The following TACR1 variants were observed in gnomAD, a reference collection of about 807,000 sequenced individuals.
TACR1 encodes the protein substance-P receptor.
In TACR1, 25 loss-of-function variants were observed where a neutral mutation model predicts 35.8. That is an observed-to-expected ratio of 0.70 (90% CI 0.51 to 0.98). The LOEUF (loss-of-function observed/expected upper bound fraction) is 0.98, where lower values mean the gene tolerates loss of function less well. Ranked by LOEUF, TACR1 falls within the 50% of genes least tolerant of loss-of-function variation. TACR1 has a pLI of 0.00. For synonymous variants in TACR1, 195 were observed against 206.7 expected (o/e 0.94, Z 0.48); for missense variants, 478 against 522.9 (o/e 0.91, Z 0.84).
At chr2:75,143,711 T>G (rs1396460493) in intron 1 of TACR1, among the ~76,000 whole-genome samples, 3 of 152,178 alleles carry the variant, frequency 2.0e-5, no homozygotes, top group Non-Finnish European at 4.4e-5. Flanking sequence ...AAAAGCAAAT[T>G]GGCAAAAACC....
intron 2 of TACR1, among the ~76,000 whole-genome samples, chr2:75,081,198 G>A (rs1317849685): frequency 6.6e-6 from 1 of 152,192 alleles, no homozygotes; most frequent in Non-Finnish European, 1.5e-5. Flanking sequence ...ATGTAAATTA[G>A]TAAACAAAAC....
intron 2 of TACR1, among the ~76,000 whole-genome samples, chr2:75,061,001 G>C (rs1016104378): frequency 6.6e-6 from 1 of 152,192 alleles, no homozygotes; most frequent in African/African-American, 2.4e-5. Flanking sequence ...GTCGGGCAAA[G>C]TTGGTAGATT....
At chr2:75,140,711 C>T (rs1674384058) in intron 1 of TACR1, among the ~76,000 whole-genome samples, 1 of 152,220 alleles carries the variant, frequency 6.6e-6, no homozygotes, top group South Asian at 2.1e-4. Context: ...ATCTTGTCTG[C>T]ACAATGAGAT....
intron 2 of TACR1, among the ~76,000 whole-genome samples, chr2:75,067,396 T>G (rs1672785024): frequency 6.6e-6 from 1 of 152,188 alleles, no homozygotes; most frequent in Non-Finnish European, 1.5e-5. Context: ...GCTGCATAGT[T>G]GCTGCTAGGC....
intron 1 of TACR1, among the ~76,000 whole-genome samples, chr2:75,183,482 GA>G (rs1402550574): frequency 6.6e-6 from 1 of 152,196 alleles, no homozygotes; most frequent in African/African-American, 2.4e-5. Flanking sequence ...ACAGCCAAGT[GA>G]AAAAGTCTGC....
chr2:75,061,147 A>G (rs1672664601), intron 2 of TACR1, among the ~76,000 whole-genome samples: 4 of 150,136 alleles, frequency 2.7e-5, no homozygotes. Context: ...CCATGAGAAG[A>G]GAGGAGGTCC....
Position 75,120,463 on chromosome 2 carries a change from A to C in TACR1, c.584+111T>G, listed in dbSNP as rs1032000189. 15 of 997,912 alleles carry C rather than the reference A, an allele frequency of 1.5e-5. No homozygotes were observed. In the African/African-American group the frequency reaches 2.4e-4, roughly 16 times the overall value. 61.8% of individuals were successfully genotyped at this position (997,912 alleles called of 1,614,324 possible). On this transcript the variant is annotated intron_variant, in intron 2 of 4. Transcript: ENST00000305249. Reference sequence around the variant, plus strand: ...ATATGTGAGAAATGCTTGCAGATACACATTAAATCTGTACCAACAAAAGAA... The same window carrying C: ...ATATGTGAGAAATGCTTGCAGATACCCATTAAATCTGTACCAACAAAAGAA...
intron 2 of TACR1, among the ~76,000 whole-genome samples, chr2:75,054,646 G>A (rs1045476235): frequency 2.6e-5 from 4 of 152,022 alleles, no homozygotes; most frequent in African/African-American, 9.7e-5. Flanking sequence ...TGAATTTTGG[G>A]AAAATATATT....
intron 2 of TACR1, among the ~76,000 whole-genome samples, chr2:75,116,875 A>G (rs1320407463): frequency 2.0e-5 from 3 of 151,904 alleles, no homozygotes; most frequent in Admixed American, 1.3e-4. Flanking sequence ...GTGCCATTGC[A>G]CTCCAGCCTG....
At chr2:75,198,443 C>G in intron 1 of TACR1, 103 bp downstream of exon 1, 1 of 1,362,292 alleles carries the variant, frequency 7.3e-7, no homozygotes, top group Non-Finnish European at 1.0e-6. Flanking sequence ...CTCAGAGTGG[C>G]CAATCTTCCA....
intron 1 of TACR1, among the ~76,000 whole-genome samples, chr2:75,142,044 G>T (rs1674417630): frequency 6.6e-6 from 1 of 152,184 alleles, no homozygotes; most frequent in African/African-American, 2.4e-5. Context: ...GTGACAATCT[G>T]CTTTCAGCCC....
chr2:75,074,955 AGGATG>A (rs1558544144), intron 2 of TACR1, among the ~76,000 whole-genome samples: 1 of 152,238 alleles, frequency 6.6e-6, no homozygotes, highest in Admixed American at 6.5e-5. Flanking sequence ...CAGGAAAACC[AGGATG>A]GTTGGTCACT....
chr2:75,101,965 A>G (rs1320711614), intron 2 of TACR1, among the ~76,000 whole-genome samples: 1 of 152,154 alleles, frequency 6.6e-6, no homozygotes, highest in Non-Finnish European at 1.5e-5. Context: ...AAAATAAAAA[A>G]ATAAAAAAAT....
At chr2:75,072,134 T>G (rs535551511) in intron 2 of TACR1, among the ~76,000 whole-genome samples, 4 of 151,356 alleles carry the variant, frequency 2.6e-5, no homozygotes, top group Non-Finnish European at 4.4e-5. Context: ...CACCGTGAAG[T>G]AGGAGTTAGT....
intron 2 of TACR1, among the ~76,000 whole-genome samples, chr2:75,095,840 G>C (rs1673410690): frequency 6.6e-6 from 1 of 152,242 alleles, no homozygotes; most frequent in East Asian, 1.9e-4. Context: ...TGCCCTTCTA[G>C]ATGCTCCAGG....
chr2:75,135,817 G>A (rs1455873394), intron 1 of TACR1, among the ~76,000 whole-genome samples: 2 of 152,122 alleles, frequency 1.3e-5, no homozygotes, highest in Non-Finnish European at 2.9e-5. Flanking sequence ...GAGTTTGCTG[G>A]AATGAATTGC....
intron 2 of TACR1, among the ~76,000 whole-genome samples, chr2:75,114,913 G>A (rs1249990757): frequency 6.6e-6 from 1 of 152,186 alleles, no homozygotes; most frequent in African/African-American, 2.4e-5. Context: ...ATCTATAACT[G>A]TGAATTGTAA....
intron 2 of TACR1, among the ~76,000 whole-genome samples, chr2:75,083,710 T>C (rs1281089370): frequency 2.6e-5 from 4 of 152,224 alleles, no homozygotes; most frequent in African/African-American, 9.6e-5. Flanking sequence ...AATTCACTCA[T>C]GATTTGGCTC....
chr2:75,074,733 G>A (rs1458641814), intron 2 of TACR1, among the ~76,000 whole-genome samples: 1 of 152,012 alleles, frequency 6.6e-6, no homozygotes, highest in African/African-American at 2.4e-5. Flanking sequence ...TAGTCTATAG[G>A]CTGCCTTCTG....
Sources: allele counts gnomAD v4.1 joint callset (sites outside exome capture counted in the v4.1 genomes callset), GRCh38; gene constraint gnomAD v4.1.1; transcripts MANE v1.5; gene names NCBI Gene and HGNC (gene_info 2026-07-23, HGNC 2026-07-21).